The following TRPC5 variants were observed in gnomAD, a reference collection of about 807,000 sequenced individuals.
TRPC5 encodes the protein transient receptor potential cation channel subfamily C member 5, also known as short transient receptor potential channel 5.
TRPC5 carries 9 observed loss-of-function variants against 56.5 expected under a neutral mutation model. The ratio of observed to expected loss-of-function variants is 0.16; its 90% CI spans 0.10 to 0.28. TRPC5 has a LOEUF of 0.28. Among genes scored for constraint, TRPC5 ranks in the 10% least tolerant of loss-of-function variants. The pLI is 1.00. For missense variants in TRPC5, 469 were observed against 748.9 expected (o/e 0.63, Z 4.36); for synonymous variants, 282 against 278.5 (o/e 1.01, Z -0.13).
chrX:111,969,783 A>G lies in TRPC5; in HGVS notation c.-21-17342T>C, dbSNP rs186317020. ...ATGTAGGAGTAAGTAAGCTGGGCCT[A>G]CTTGTTGGAGGGTGATGAACATCTG... is the stretch of plus-strand genomic sequence containing the variant. On this transcript the variant is annotated intron_variant, in intron 1 of 10. Transcript: ENST00000262839. Among the ~76,000 whole-genome samples, 280 of 111,166 alleles carry G rather than the reference A, an allele frequency of 2.5e-3. 1 individual carries two copies. Among genetic ancestry groups the G allele is most frequent in the Middle Eastern group, 4.7e-3 (1 of 215 alleles).
At chrX:111,866,194 G>A (rs1418043696) in intron 3 of TRPC5, among the ~76,000 whole-genome samples, 1 of 113,752 alleles carries the variant, frequency 8.8e-6, no homozygotes, top group Non-Finnish European at 1.9e-5. Flanking sequence ...CATTGGCCTT[G>A]CGGCCAGTGA....
At chrX:111,944,041 C>T (rs924323200) in intron 2 of TRPC5, among the ~76,000 whole-genome samples, 1 of 111,624 alleles carries the variant, frequency 9.0e-6, no homozygotes, top group African/African-American at 3.3e-5. Context: ...ATTTCTTTCT[C>T]ACAATAGGTT....
intron 1 of TRPC5, among the ~76,000 whole-genome samples, chrX:112,008,319 C>T (rs181671275): frequency 5.6e-4 from 63 of 111,754 alleles, no homozygotes; most frequent in African/African-American, 1.8e-3. Flanking sequence ...TGGCTGGGCG[C>T]GGTGGCTCAT....
intron 7 of TRPC5, among the ~76,000 whole-genome samples, chrX:111,818,289 C>G (rs1026462410): frequency 1.8e-5 from 2 of 111,913 alleles, no homozygotes; most frequent in Non-Finnish European, 3.8e-5. Flanking sequence ...TCAAAGAGAC[C>G]TTCCCTGAGC....
chrX:111,901,799 A>G lies in TRPC5; in HGVS notation c.900+10492T>C, dbSNP rs1245348355. On this transcript the variant is annotated intron_variant, in intron 3 of 10. Transcript: ENST00000262839. ...TACTATCCATTGTCACCAAGAGTCC[A>G]TTTGCTAGAGCTTTTAGTGATATTT... 7 of 996,112 alleles carry G rather than the reference A, an allele frequency of 7.0e-6. No homozygotes were observed. The Admixed American group carries it at 2.2e-4, about 32-fold the overall frequency. The allele number at this position is 996,112 out of a possible 1,213,427, so 82.1% of individuals were successfully genotyped here. A position where few individuals can be genotyped will look rare whatever the true frequency, so the allele number is the denominator to read the frequency against.
At chrX:112,006,878 A>C (rs896301631) in intron 1 of TRPC5, among the ~76,000 whole-genome samples, 12 of 111,856 alleles carry the variant, frequency 1.1e-4, no homozygotes, top group African/African-American at 3.9e-4. Flanking sequence ...CCCAGTGCAA[A>C]ATGAAATTGC....
chrX:112,080,400 A>T (rs1333315022), intron 1 of TRPC5, among the ~76,000 whole-genome samples: 6 of 80,677 alleles, frequency 7.4e-5, no homozygotes, highest in Admixed American at 7.2e-4. Context: ...CTACATACAC[A>T]CACACACACA....
chrX:111,860,001 T>C (rs898493818), intron 3 of TRPC5, among the ~76,000 whole-genome samples: 25 of 113,041 alleles, frequency 2.2e-4, no homozygotes, highest in South Asian at 1.4e-3. Flanking sequence ...CTCCGCCTCC[T>C]GGGTTTACGC....
chrX:112,051,419 C>G (rs747904188), intron 1 of TRPC5, among the ~76,000 whole-genome samples: 5 of 111,373 alleles, frequency 4.5e-5, no homozygotes, highest in Non-Finnish European at 9.4e-5. Context: ...GGTGTATCTT[C>G]TCAAGATCCA....
At chrX:112,023,122 GACGGGGTTTC>G (rs955105002) in intron 1 of TRPC5, among the ~76,000 whole-genome samples, 1 of 108,999 alleles carries the variant, frequency 9.2e-6, no homozygotes, top group African/African-American at 3.3e-5. Flanking sequence ...TTTTAGTACA[GACGGGGTTTC>G]ACCGTGTTAG....
intron 1 of TRPC5, among the ~76,000 whole-genome samples, chrX:111,971,979 C>T (rs1450841277): frequency 8.9e-6 from 1 of 111,837 alleles, no homozygotes; most frequent in African/African-American, 3.2e-5. Flanking sequence ...TGACTCAATT[C>T]AATCCTCCTT....
chrX:111,776,424 A>C lies in TRPC5; in HGVS notation c.2811T>G (p.Ser937=). The C allele has an allele frequency of 1.7e-6, 2 of 1,211,594 alleles. No individual in the cohort carries two copies. The highest frequency in any genetic ancestry group is 2.2e-6 in the Non-Finnish European group (2 of 895,468). Residue 937 remains serine, a synonymous_variant, in exon 11 of 11, where the codon TCT becomes TCG. Transcript: ENST00000262839. ...CATCCTCTGAGGAGTCTAAAAGTTT[A>C]GAATTTGAGGAGCAGATGCTGGATG... ...HCASSICSSN[S]KLLDSSEDVF...
intron 3 of TRPC5, among the ~76,000 whole-genome samples, chrX:111,874,888 A>C (rs192577962): frequency 2.0e-4 from 23 of 112,750 alleles, no homozygotes; most frequent in African/African-American, 7.4e-4. Flanking sequence ...CATAAGGTCA[A>C]CAGTGTCTAA....
At chrX:111,963,805 A>G (rs1323168076) in intron 1 of TRPC5, among the ~76,000 whole-genome samples, 2 of 111,972 alleles carry the variant, frequency 1.8e-5, no homozygotes, top group East Asian at 5.6e-4. Flanking sequence ...AAGGACATCC[A>G]CACCAAAAAC....
chrX:111,776,219 A>T lies in TRPC5; in HGVS notation c.*94T>A. The T allele has an allele frequency of 1.2e-6, 1 of 848,803 alleles. No homozygotes were observed. The highest frequency in any genetic ancestry group is 1.6e-6 in the Non-Finnish European group (1 of 615,344). 70.0% of individuals were successfully genotyped at this position (848,803 alleles called of 1,213,427 possible). Reference sequence around the variant, plus strand: ...AGTTTCACTCTCCTTTCTGGGGGGCAGGGGCAGTGAGGGAATCATATTCTG... The same window carrying T: ...AGTTTCACTCTCCTTTCTGGGGGGCTGGGGCAGTGAGGGAATCATATTCTG... On this transcript the variant is annotated 3_prime_UTR_variant, in exon 11 of 11. Coordinates refer to ENST00000262839, the MANE Select transcript of TRPC5 (RefSeq NM_012471.3).
At chrX:112,071,233 C>T (rs1004448460) in intron 1 of TRPC5, among the ~76,000 whole-genome samples, 3 of 110,348 alleles carry the variant, frequency 2.7e-5, no homozygotes, top group South Asian at 4.0e-4. Context: ...CCTGAACCTG[C>T]GGTGGTCAAG....
At chrX:111,843,928 G>A (rs1051165146) in intron 6 of TRPC5, among the ~76,000 whole-genome samples, 100 of 105,313 alleles carry the variant, frequency 9.5e-4, no homozygotes, top group Non-Finnish European at 1.4e-3. Context: ...GTATGTGAGA[G>A]AGAGAGAATG....
chrX:111,779,837 C>A (rs1381979185), intron 9 of TRPC5, among the ~76,000 whole-genome samples: 1 of 111,788 alleles, frequency 8.9e-6, no homozygotes, highest in East Asian at 2.8e-4. Flanking sequence ...GATTTCAAGG[C>A]CAATGGTATT....
chrX:111,943,654 A>G (rs1926842622), intron 2 of TRPC5, among the ~76,000 whole-genome samples: 1 of 112,325 alleles, frequency 8.9e-6, no homozygotes, highest in Non-Finnish European at 1.9e-5. Context: ...AGTGACCAAG[A>G]AAGAAAATTA....
Sources: gnomAD v4.1 joint callset for allele counts (sites outside exome capture counted in the v4.1 genomes callset) on GRCh38, gnomAD v4.1.1 for gene constraint, MANE v1.5 for transcripts, NCBI Gene and HGNC (gene_info 2026-07-23, HGNC 2026-07-21) for gene names.